The following FAM98B variants were observed in gnomAD, a reference collection of about 807,000 sequenced individuals.
FAM98B encodes tRNA-splicing ligase complex subunit FAM98B.
A neutral mutation model predicts 43.9 loss-of-function variants in FAM98B; 32 were observed. The observed-to-expected ratio is 0.73, with a 90% confidence interval of 0.55 to 0.98. FAM98B has a LOEUF of 0.98. Ranked by LOEUF, FAM98B falls within the 50% of genes least tolerant of loss-of-function variation. The probability of loss-of-function intolerance (pLI) is 0.00; values close to 1 mark genes in which losing one functional copy is unlikely to be tolerated. For missense variants in FAM98B, 514 were observed against 522.9 expected, an observed-to-expected ratio of 0.98 and a Z score of 0.17; for synonymous variants, 190 against 174.0, an observed-to-expected ratio of 1.09 and a Z score of -0.72.
At chr15:38,455,330 C>CGTGCT (rs1889831404) in intron 1 of FAM98B, among the ~76,000 whole-genome samples, 1 of 152,206 alleles carries the variant, frequency 6.6e-6, no homozygotes. Context: ...TGCCCTGCTA[C>CGTGCT]GTGCTGCTGT....
intron 1 of FAM98B, among the ~76,000 whole-genome samples, chr15:38,457,130 T>G (rs1381748198): frequency 2.6e-5 from 4 of 152,224 alleles, no homozygotes; most frequent in African/African-American, 9.7e-5. Context: ...AAGAACTACA[T>G]TACTGAACTT....
intron 1 of FAM98B, among the ~76,000 whole-genome samples, chr15:38,460,478 C>G (rs143299900): frequency 6.6e-6 from 1 of 151,938 alleles, no homozygotes; most frequent in Non-Finnish European, 1.5e-5. Context: ...GGACTAGCAG[C>G]GTCATCATCA....
intron 6 of FAM98B, among the ~76,000 whole-genome samples, chr15:38,475,770 G>A (rs189826332): frequency 6.6e-6 from 1 of 152,306 alleles, no homozygotes; most frequent in Non-Finnish European, 1.5e-5. Context: ...TAGGAAATAG[G>A]ATGTGGACCT....
At chr15:38,478,352 A>T (rs2141060888) in intron 6 of FAM98B, among the ~76,000 whole-genome samples, 1 of 152,236 alleles carries the variant, frequency 6.6e-6, no homozygotes, top group African/African-American at 2.4e-5. Context: ...TATTTTCCTT[A>T]GACTATGCAT....
Position 38,485,662 on chromosome 15 carries a change from G to A in FAM98B, c.*1003G>A, listed in dbSNP as rs1351805980. Reference sequence around the variant, plus strand: ...TTGTGAATTTGAATCATGGCACTAGGTCAGGGGTGCTATGGATTGAAATGA... The same window carrying A: ...TTGTGAATTTGAATCATGGCACTAGATCAGGGGTGCTATGGATTGAAATGA... On this transcript the variant is annotated 3_prime_UTR_variant, in exon 8 of 8. Coordinates refer to ENST00000397609, the MANE Select transcript of FAM98B (RefSeq NM_173611.4). 6.6e-6 allele frequency: 1 copy of A among 152,194 alleles called. No homozygotes were observed. Among genetic ancestry groups the A allele is most frequent in the Non-Finnish European group, 1.5e-5 (1 of 68,032 alleles). The allele number at this position is 152,194 out of a possible 1,614,324, so 9.4% of individuals were successfully genotyped here.
chr15:38,478,505 T>C (rs965330258), intron 6 of FAM98B, among the ~76,000 whole-genome samples: 1 of 152,214 alleles, frequency 6.6e-6, no homozygotes, highest in Non-Finnish European at 1.5e-5. Flanking sequence ...TCTGATATTG[T>C]TGAGTGACTG....
At chr15:38,459,082 C>A in intron 1 of FAM98B, 1 of 344,946 alleles carries the variant, frequency 2.9e-6, no homozygotes, top group Non-Finnish European at 5.7e-6. Context: ...GTGAAGGGAA[C>A]ACATTCAAAG....
intron 3 of FAM98B, 105 bp downstream of exon 3, chr15:38,465,508 T>C: frequency 9.6e-7 from 1 of 1,043,284 alleles, no homozygotes; most frequent in African/African-American, 1.6e-5. Context: ...ATTAAAAGGG[T>C]TTTAATATTT....
At chr15:38,465,159 A>G in intron 2 of FAM98B, 110 bp from the exon 3 acceptor site, 3 of 1,077,340 alleles carry the variant, frequency 2.8e-6, no homozygotes, top group Non-Finnish European at 2.6e-6. Context: ...TAAGGATTTA[A>G]TGTGAAAATT....
chr15:38,477,692 G>A (rs187258743), intron 6 of FAM98B, among the ~76,000 whole-genome samples: 2 of 152,270 alleles, frequency 1.3e-5, no homozygotes, highest in African/African-American at 4.8e-5. Context: ...TCAGTACTCC[G>A]TATGATTAGG....
At chr15:38,473,994 A>G (rs1427074030) in intron 5 of FAM98B, among the ~76,000 whole-genome samples, 188 bp from the exon 6 acceptor site, 1 of 152,242 alleles carries the variant, frequency 6.6e-6, no homozygotes, top group Non-Finnish European at 1.5e-5. Context: ...TCTTCTGGAT[A>G]TCATAAATGT....
intron 4 of FAM98B, chr15:38,470,625 C>T: frequency 2.9e-6 from 1 of 344,396 alleles, no homozygotes; most frequent in Admixed American, 4.9e-5. Context: ...TACTGGCCTT[C>T]AGCTTTGCCA....
Position 38,454,226 on chromosome 15 carries a change from C to T in FAM98B, c.65C>T (p.Ala22Val), listed in dbSNP as rs180924502. 1.9e-5 allele frequency: 31 copies of T among 1,602,098 alleles called. No homozygotes were observed. The highest frequency in any genetic ancestry group is 2.6e-5 in the Non-Finnish European group (30 of 1,175,798). ...GGAGACGTGCTGGACACACTGGAGG[C>T]GCTGGGGTGAGTGCTTTTGGAGACG... ...MEGDVLDTLEALGYKGPLLEE... is the reference protein window; with the variant it reads ...MEGDVLDTLEVLGYKGPLLEE... The change falls in exon 1 of 8, where the codon GCG becomes GTG. Residue 22 changes from alanine (A) to valine (V), a missense_variant. Transcript: ENST00000397609.
Position 38,474,371 on chromosome 15 carries a change from T to C in FAM98B, c.729+73T>C, listed in dbSNP as rs1289252855. 6.2e-6 allele frequency: 6 copies of C among 969,414 alleles called. No homozygotes were observed. The African/African-American group carries it at 6.4e-5, about 10-fold the overall frequency. The allele number at this position is 969,414 out of a possible 1,614,324, so 60.1% of individuals were successfully genotyped here. A position where few individuals can be genotyped will look rare whatever the true frequency, so the allele number is the denominator to read the frequency against. ...GCTCTTCTGGCTTGCTTGTCTGTTA[T>C]GTAACCATGCCACATTTGTACTTCA... On this transcript the variant is annotated intron_variant, in intron 6 of 7. Coordinates refer to ENST00000397609, the MANE Select transcript of FAM98B (RefSeq NM_173611.4).
At chr15:38,463,112 T>A (rs576026749) in intron 1 of FAM98B, among the ~76,000 whole-genome samples, 9 of 152,330 alleles carry the variant, frequency 5.9e-5, no homozygotes, top group African/African-American at 2.2e-4. Flanking sequence ...AAACTGATCA[T>A]CTAATTCAGT....
chr15:38,473,224 G>C (rs901834491), intron 4 of FAM98B, among the ~76,000 whole-genome samples: 1 of 152,122 alleles, frequency 6.6e-6, no homozygotes, highest in African/African-American at 2.4e-5. Flanking sequence ...ATTTCACTAA[G>C]ACACAGATTC....
intron 1 of FAM98B, among the ~76,000 whole-genome samples, chr15:38,456,029 TA>T (rs1398808490): frequency 1.3e-5 from 2 of 152,210 alleles, no homozygotes; most frequent in Non-Finnish European, 2.9e-5. Flanking sequence ...TCCATGTAGA[TA>T]GTGAATAATG....
intron 3 of FAM98B, among the ~76,000 whole-genome samples, chr15:38,468,231 A>T (rs916030139): frequency 2.0e-5 from 3 of 152,150 alleles, no homozygotes; most frequent in Non-Finnish European, 4.4e-5. Flanking sequence ...TGTTTTAATC[A>T]AGTTTAATCA....
intron 6 of FAM98B, among the ~76,000 whole-genome samples, chr15:38,475,098 T>A (rs1239856874): frequency 6.6e-6 from 1 of 152,170 alleles, no homozygotes; most frequent in Admixed American, 6.5e-5. Context: ...AACTGGGCAG[T>A]TCTTCTGCCC....
Sources: gnomAD v4.1 joint callset for allele counts (sites outside exome capture counted in the v4.1 genomes callset) on GRCh38, gnomAD v4.1.1 for gene constraint, MANE v1.5 for transcripts, NCBI Gene and HGNC (gene_info 2026-07-23, HGNC 2026-07-21) for gene names.